The following VAT1L variants were observed in gnomAD, a reference collection of about 807,000 sequenced individuals.
The protein encoded by VAT1L is vesicle amine transport 1 like.
VAT1L carries 34 observed loss-of-function variants against 44.1 expected under a neutral mutation model. The ratio of observed to expected loss-of-function variants is 0.77; its 90% CI spans 0.59 to 1.03. VAT1L has a LOEUF of 1.03. Ranked by LOEUF, VAT1L falls within the 50% of genes least tolerant of loss-of-function variation. VAT1L has a pLI of 0.00. For missense variants in VAT1L, 615 were observed against 538.8 expected (o/e 1.14, Z -1.40); for synonymous variants, 253 against 202.2 (o/e 1.25, Z -2.13).
intron 7 of VAT1L, among the ~76,000 whole-genome samples, chr16:77,968,074 G>C (rs2018241778): frequency 6.6e-6 from 1 of 152,182 alleles, no homozygotes; most frequent in Admixed American, 6.5e-5. Flanking sequence ...ATGTATGTGA[G>C]ATAAGAATAT....
chr16:77,901,412 C>A (rs1286700222), intron 7 of VAT1L, among the ~76,000 whole-genome samples: 1 of 152,034 alleles, frequency 6.6e-6, no homozygotes, highest in Non-Finnish European at 1.5e-5. Context: ...GATCCGCCCG[C>A]CTCCGCCTCC....
intron 7 of VAT1L, among the ~76,000 whole-genome samples, chr16:77,952,684 C>A (rs2142525527): frequency 6.6e-6 from 1 of 151,992 alleles, no homozygotes; most frequent in East Asian, 1.9e-4. Flanking sequence ...TGGCAAAACC[C>A]TGTATCTATT....
At chr16:77,888,712 T>C (rs1026986393) in intron 7 of VAT1L, among the ~76,000 whole-genome samples, 3 of 152,094 alleles carry the variant, frequency 2.0e-5, no homozygotes, top group African/African-American at 7.2e-5. Context: ...GCGGTGGCAA[T>C]AGAAAATGTC....
At chr16:77,866,964 G>T (rs2038960553) in intron 4 of VAT1L, among the ~76,000 whole-genome samples, 1 of 152,140 alleles carries the variant, frequency 6.6e-6, no homozygotes, top group Admixed American at 6.5e-5. Flanking sequence ...TAGGTGGAGG[G>T]GGAAGCGTGA....
intron 7 of VAT1L, among the ~76,000 whole-genome samples, chr16:77,970,303 T>C (rs1170740085): frequency 6.6e-6 from 1 of 152,202 alleles, no homozygotes; most frequent in Non-Finnish European, 1.5e-5. Flanking sequence ...TGCATTTATA[T>C]TAAATACTGA....
intron 7 of VAT1L, among the ~76,000 whole-genome samples, chr16:77,944,454 T>C (rs1297524583): frequency 2.6e-5 from 4 of 152,198 alleles, no homozygotes; most frequent in African/African-American, 9.7e-5. Flanking sequence ...GAATAGATTT[T>C]TAACAGTCTT....
chr16:77,944,665 C>A (rs749619048), intron 7 of VAT1L, among the ~76,000 whole-genome samples: 8 of 152,156 alleles, frequency 5.3e-5, no homozygotes, highest in Non-Finnish European at 1.0e-4. Context: ...ATGTTCTCAA[C>A]AAACATAATC....
chr16:77,947,825 T>A (rs1289042291), intron 7 of VAT1L, among the ~76,000 whole-genome samples: 2 of 152,248 alleles, frequency 1.3e-5, no homozygotes, highest in East Asian at 1.9e-4. Context: ...AATGGCATGA[T>A]CTTGGCTCAC....
At chr16:77,886,009 A>G (rs1477780099) in intron 7 of VAT1L, among the ~76,000 whole-genome samples, 1 of 152,060 alleles carries the variant, frequency 6.6e-6, no homozygotes, top group Non-Finnish European at 1.5e-5. Context: ...ATAAATACTC[A>G]TTACAGAAAT....
intron 7 of VAT1L, among the ~76,000 whole-genome samples, chr16:77,937,235 G>T (rs1369987529): frequency 1.3e-5 from 2 of 152,136 alleles, no homozygotes; most frequent in Non-Finnish European, 2.9e-5. Context: ...GAGCCTCACA[G>T]TTCCCTTCAG....
chr16:77,795,283 C>T (rs11349637), intron 1 of VAT1L, among the ~76,000 whole-genome samples: 29,395 of 74,742 alleles, frequency 0.39, 3,430 homozygotes, highest in Admixed American at 0.46. Flanking sequence ...ACAGTGGGGG[C>T]GGGGGGAAAG....
In VAT1L at chr16:77,884,927, C is replaced by G; in HGVS notation, c.1077+125C>G. The G allele has an allele frequency of 9.9e-7, 1 of 1,013,318 alleles. No homozygotes were observed. Among genetic ancestry groups the G allele is most frequent in the Non-Finnish European group, 1.4e-6 (1 of 727,224 alleles). The allele number at this position is 1,013,318 out of a possible 1,614,324, so 62.8% of individuals were successfully genotyped here. Reference sequence around the variant, plus strand: ...GATGGGTTTGTTTTAAATGAGGGTCCTAAAAGTCACCTGTACCACAGAATA... The same window carrying G: ...GATGGGTTTGTTTTAAATGAGGGTCGTAAAAGTCACCTGTACCACAGAATA... On this transcript the variant is annotated intron_variant, in intron 7 of 8. Coordinates refer to ENST00000302536, the MANE Select transcript of VAT1L (RefSeq NM_020927.3). This position sits in a 1 kb window ranked among gnomAD's most constrained non-coding sequence, Gnocchi z 4.5.
intron 7 of VAT1L, among the ~76,000 whole-genome samples, chr16:77,928,380 T>C (rs562337484): frequency 5.1e-4 from 77 of 152,370 alleles, no homozygotes; most frequent in African/African-American, 1.8e-3. Context: ...ATTTCTCTCT[T>C]ATGATTATTC....
intron 7 of VAT1L, among the ~76,000 whole-genome samples, chr16:77,946,279 CTTTTTTT>C (rs66461822): frequency 8.5e-5 from 6 of 70,424 alleles, no homozygotes; most frequent in South Asian, 6.8e-4. Context: ...GTTACTTGTT[CTTTTTTT>C]TTTTTTTTTT....
chr16:77,960,622 T>A (rs954897320), intron 7 of VAT1L, among the ~76,000 whole-genome samples: 5 of 152,156 alleles, frequency 3.3e-5, no homozygotes, highest in African/African-American at 1.2e-4. Flanking sequence ...TAGCAGGATC[T>A]CATTGGCCAA....
At chr16:77,855,015 C>G (rs2142436551) in intron 3 of VAT1L, among the ~76,000 whole-genome samples, 1 of 152,136 alleles carries the variant, frequency 6.6e-6, no homozygotes, top group Non-Finnish European at 1.5e-5. Context: ...CTGAAGAGAC[C>G]ACAGAGATCA....
chr16:77,924,304 G>C (rs531388369), intron 7 of VAT1L, among the ~76,000 whole-genome samples: 1 of 152,196 alleles, frequency 6.6e-6, no homozygotes, highest in Admixed American at 6.5e-5. Context: ...CCAGCATCAA[G>C]CTCAGCCTCT....
intron 2 of VAT1L, among the ~76,000 whole-genome samples, chr16:77,819,783 C>T (rs1461123623): frequency 6.6e-6 from 1 of 152,246 alleles, no homozygotes; most frequent in Non-Finnish European, 1.5e-5. Context: ...CAGTTTCCTC[C>T]TTAGACAGCT....
chr16:77,884,410 G>C lies in VAT1L; in HGVS notation c.883-198G>C, dbSNP rs1005063674. On this transcript the variant is annotated intron_variant, in intron 6 of 8. Coordinates refer to ENST00000302536, the MANE Select transcript of VAT1L (RefSeq NM_020927.3). This position sits in a 1 kb window ranked among gnomAD's most constrained non-coding sequence, Gnocchi z 4.5. Reference sequence around the variant, plus strand: ...TGCACTCCAGCCTGGGCTACAGAGTGAGACTCCATCTCAAAAAATAAAAAT... The same window carrying C: ...TGCACTCCAGCCTGGGCTACAGAGTCAGACTCCATCTCAAAAAATAAAAAT... 1.3e-5 allele frequency among the ~76,000 whole-genome samples: 2 copies of C among 151,942 alleles called. No individual in the cohort carries two copies. The highest frequency in any genetic ancestry group is 4.8e-5 in the African/African-American group (2 of 41,364).
Sources: allele counts gnomAD v4.1 joint callset (sites outside exome capture counted in the v4.1 genomes callset), GRCh38; gene constraint gnomAD v4.1.1; non-coding constraint Gnocchi (gnomAD v3.1); transcripts MANE v1.5; gene names NCBI Gene and HGNC (gene_info 2026-07-23, HGNC 2026-07-21).